Variants in TACC2 observed in about 807,000 individuals in gnomAD.
TACC2 encodes the protein transforming acidic coiled-coil-containing protein 2.
A neutral mutation model predicts 227.3 loss-of-function variants in TACC2; 137 were observed. That is an observed-to-expected ratio of 0.60 (90% CI 0.52 to 0.69). TACC2 has a LOEUF of 0.69. Among genes scored for constraint, TACC2 ranks in the 30% least tolerant of loss-of-function variants. The probability of loss-of-function intolerance (pLI) is 0.00; values close to 1 mark genes in which losing one functional copy is unlikely to be tolerated. For missense variants in TACC2, 3,470 were observed against 3,694.4 expected (o/e 0.94, Z 1.57); for synonymous variants, 1,523 against 1,487.5 (o/e 1.02, Z -0.55).
chr10:122,151,828 C>T (rs1205448448), intron 7 of TACC2, among the ~76,000 whole-genome samples: 2 of 152,126 alleles, frequency 1.3e-5, no homozygotes, highest in African/African-American at 2.4e-5. Flanking sequence ...CATTCACCAA[C>T]GTTGATTGAG....
At chr10:122,162,642 A>C (rs1343739008) in intron 7 of TACC2, among the ~76,000 whole-genome samples, 3 of 152,236 alleles carry the variant, frequency 2.0e-5, no homozygotes, top group African/African-American at 7.2e-5. Context: ...GAGGAGGCTC[A>C]GGATCTCAAG....
chr10:122,226,450 C>G lies in TACC2; in HGVS notation c.7693C>G (p.Arg2565Gly), dbSNP rs188626786. The change falls in exon 13 of 23, where the codon CGC becomes GGC. Residue 2565 changes from arginine to glycine, a missense_variant. Arg to Gly is a moderately radical substitution (Grantham distance 125). Around this residue, in one of 10 missense-constraint regions of TACC2, gnomAD observed 345 missense variants for 354.4 expected, o/e 0.97. Coordinates refer to ENST00000369005, the MANE Select transcript of TACC2 (RefSeq NM_206862.4). ...QESPVKSSPV[R>G]MSESPTPCSG... ...GAGCCCTGTCAAGTCATCTCCCGTC[C>G]GCATGTCAGAGTCCCCGACGCCGTG... 11 of 1,613,904 alleles carry G rather than the reference C, an allele frequency of 6.8e-6. No individual in the cohort carries two copies. The highest frequency in any genetic ancestry group is 9.3e-6 in the Non-Finnish European group (11 of 1,179,902).
intron 6 of TACC2, among the ~76,000 whole-genome samples, chr10:122,134,013 C>T (rs966509336): frequency 2.6e-5 from 4 of 152,112 alleles, no homozygotes; most frequent in African/African-American, 7.2e-5. Context: ...CACCAAGACA[C>T]CTCTTCAAAA....
At position 122,082,666 on chromosome 10, in the gene TACC2, G is replaced by C. The variant is rs539346663; in HGVS notation, c.166G>C (p.Gly56Arg). Residue 56 changes from glycine (G) to arginine (R), a missense_variant, in exon 4 of 23, where the codon GGA becomes CGA. Gly to Arg is a moderately radical substitution (Grantham distance 125, BLOSUM62 -2). This residue lies in a region of TACC2 where 405 missense variants were observed against 389.6 expected (regional missense o/e 1.04). Coordinates refer to ENST00000369005, the MANE Select transcript of TACC2 (RefSeq NM_206862.4). The part of the protein sequence containing the change: ...DASSIGSVGL[G>R]GFCTASESSA... ...TTTCAGCATTGGCAGCGTTGGGCTT[G>C]GAGGCTTCTGCACCGCTTCTGAGAG... 1.2e-6 allele frequency: 2 copies of C among 1,610,622 alleles called. No homozygotes were observed. Among genetic ancestry groups the C allele is most frequent in the African/African-American group, 2.7e-5 (2 of 74,892 alleles).
At chr10:122,096,467 C>T (rs1353385453) in intron 5 of TACC2, among the ~76,000 whole-genome samples, 1 of 152,084 alleles carries the variant, frequency 6.6e-6, no homozygotes, top group Non-Finnish European at 1.5e-5. Context: ...GAGGCCGAGG[C>T]TGGTGGATCA....
rs946164676 is a variant in TACC2 at position 122,180,438 on chromosome 10, C to T, written c.5835-14602C>T. Among the ~76,000 whole-genome samples, 4 of 151,888 alleles carry T rather than the reference C, an allele frequency of 2.6e-5. No individual in the cohort carries two copies. Among genetic ancestry groups the T allele is most frequent in the East Asian group, 2.0e-4 (1 of 5,088 alleles). ...CTGCAAGCTCCGCTTCCCAGGTTCA[C>T]GCCATTCTCCTGCCTCAGCCTCCCG... On this transcript the variant is annotated intron_variant, in intron 7 of 22. Coordinates refer to ENST00000369005, the MANE Select transcript of TACC2 (RefSeq NM_206862.4). This position sits in a 1 kb window ranked among gnomAD's most constrained non-coding sequence, Gnocchi z 4.5.
chr10:122,243,430 G>T (rs10788263), intron 19 of TACC2, among the ~76,000 whole-genome samples: 150,607 of 152,306 alleles, frequency 0.99, 74,479 homozygotes, highest in Middle Eastern at 1. Context: ...GCCTCAGGAA[G>T]AGTGAAGAGG....
chr10:122,119,270 A>G (rs1170960828), intron 5 of TACC2, among the ~76,000 whole-genome samples: 1 of 152,200 alleles, frequency 6.6e-6, no homozygotes, highest in Admixed American at 6.5e-5. Context: ...TGAAGCTCAA[A>G]GAGGTTAATG....
intron 2 of TACC2, among the ~76,000 whole-genome samples, chr10:122,038,286 A>C (rs551104658): frequency 3.9e-5 from 6 of 152,196 alleles, no homozygotes; most frequent in Non-Finnish European, 8.8e-5. Flanking sequence ...CAAATAAACA[A>C]ACACACAAAC....
chr10:122,221,302 A>G (rs1238388011), intron 11 of TACC2, among the ~76,000 whole-genome samples: 1 of 152,204 alleles, frequency 6.6e-6, no homozygotes, highest in Non-Finnish European at 1.5e-5. Flanking sequence ...GAGAAAACTT[A>G]ACCCATGTAG....
chr10:122,193,846 T>C (rs1267729538), intron 7 of TACC2, among the ~76,000 whole-genome samples: 1 of 152,120 alleles, frequency 6.6e-6, no homozygotes, highest in Non-Finnish European at 1.5e-5. Context: ...AGCCTTATTC[T>C]TTCTGGCTTA....
At chr10:122,243,102 C>G (rs1474035098) in intron 19 of TACC2, among the ~76,000 whole-genome samples, 3 of 152,206 alleles carry the variant, frequency 2.0e-5, no homozygotes, top group African/African-American at 7.2e-5. Context: ...TGCCATCATG[C>G]CTGGCTAATT....
chr10:122,104,951 A>G (rs1190327742), intron 5 of TACC2, among the ~76,000 whole-genome samples: 2 of 152,208 alleles, frequency 1.3e-5, no homozygotes, highest in African/African-American at 4.8e-5. Flanking sequence ...AAGCATAAGA[A>G]CCATGTTGCA....
At chr10:122,195,924 C>T (rs1292918858) in intron 8 of TACC2, among the ~76,000 whole-genome samples, 2 of 152,196 alleles carry the variant, frequency 1.3e-5, no homozygotes, top group African/African-American at 2.4e-5. Context: ...CTCTGGGCCC[C>T]ACAACTTACA....
intron 3 of TACC2, among the ~76,000 whole-genome samples, chr10:122,066,357 C>T (rs2077390549): frequency 1.3e-5 from 2 of 152,030 alleles, no homozygotes; most frequent in African/African-American, 4.8e-5. Context: ...CAACCTCCAC[C>T]TCCCAGGTGC....
chr10:122,211,334 G>T lies in TACC2; in HGVS notation c.6909G>T (p.Lys2303Asn). 6.2e-7 allele frequency: 1 copy of T among 1,613,852 alleles called. No homozygotes were observed. Residue 2303 changes from lysine to asparagine, a missense_variant, in exon 9 of 23, where the codon AAG becomes AAT. Lys to Asn is a moderately conservative substitution (Grantham distance 94). Transcript: ENST00000369005. ...CCAAAATGCCCCTGAGGAGGCCAAA[G>T]ATGAAAAAGACACCCGAGAAACTTG... ...PVAKMPLRRPKMKKTPEKLDN... is the reference protein window; with the variant it reads ...PVAKMPLRRPNMKKTPEKLDN...
intron 8 of TACC2, among the ~76,000 whole-genome samples, chr10:122,206,546 A>G (rs1172942648): frequency 6.6e-6 from 1 of 152,212 alleles, no homozygotes; most frequent in Non-Finnish European, 1.5e-5. Context: ...CTCAGGAGAG[A>G]CAAACCCACT....
At chr10:122,218,970 T>A in intron 11 of TACC2, among the ~76,000 whole-genome samples, 1 of 146,588 alleles carries the variant, frequency 6.8e-6, no homozygotes, top group African/African-American at 2.6e-5. Flanking sequence ...TGCAGTGAGC[T>A]GAGATTGTGC....
intron 3 of TACC2, among the ~76,000 whole-genome samples, chr10:122,062,843 G>A (rs1240155851): frequency 2.6e-5 from 4 of 152,148 alleles, no homozygotes; most frequent in African/African-American, 9.7e-5. Context: ...TTGTGGAATC[G>A]GTCTGCTGCA....
Sources: allele counts gnomAD v4.1 joint callset (sites outside exome capture counted in the v4.1 genomes callset), GRCh38; gene constraint gnomAD v4.1.1; regional missense constraint gnomAD v4.1.1; non-coding constraint Gnocchi (gnomAD v3.1); transcripts MANE v1.5; gene names NCBI Gene and HGNC (gene_info 2026-07-23, HGNC 2026-07-21).